Variants in ADRA1A observed in about 807,000 individuals in gnomAD.
ADRA1A encodes alpha-1A adrenergic receptor.
A neutral mutation model predicts 29.6 loss-of-function variants in ADRA1A; 31 were observed. The observed-to-expected ratio is 1.05, with a 90% CI of 0.79 to 1.41. The LOEUF is 1.41. Ranked by LOEUF, ADRA1A falls within the 40% of genes most tolerant of loss-of-function variation. The probability of loss-of-function intolerance (pLI) is 0.00; values close to 1 mark genes in which losing one functional copy is unlikely to be tolerated. For missense variants in ADRA1A, 619 were observed against 601.1 expected (o/e 1.03, Z -0.31); for synonymous variants, 311 against 254.3 (o/e 1.22, Z -2.12).
chr8:26,779,965 C>T (rs891583333), intron 2 of ADRA1A, among the ~76,000 whole-genome samples: 1 of 152,036 alleles, frequency 6.6e-6, no homozygotes, highest in Non-Finnish European at 1.5e-5. Context: ...GGGGAAAATT[C>T]CCAGAAATAA....
intron 2 of ADRA1A, among the ~76,000 whole-genome samples, chr8:26,852,380 T>TTTTTTATTTACATTAATGTA (rs1812702156): frequency 6.6e-6 from 1 of 151,922 alleles, no homozygotes; most frequent in African/African-American, 2.4e-5. Flanking sequence ...GAGAGAAATC[T>TTTTTTATTTACATTAATGTA]CTAGAGATTA....
In ADRA1A at chr8:26,831,632, T is replaced by C. The variant is rs1052826298; in HGVS notation, c.883+32455A>G. On this transcript the variant is annotated intron_variant, in intron 2 of 2. Coordinates refer to ENST00000380573, the MANE Select transcript of ADRA1A (RefSeq NM_000680.4). The surrounding 1 kb of genome is among the most constrained non-coding windows in gnomAD (Gnocchi z 5.2). ...TTTCCTAAATTTGAGAATAGTCACT[T>C]CAATCTTTCTTCTTTCCAGCCTGGG... Among the ~76,000 whole-genome samples, 1 of 152,248 alleles carries C rather than the reference T, an allele frequency of 6.6e-6. No individual in the cohort carries two copies. The highest frequency in any genetic ancestry group is 2.4e-5 in the African/African-American group (1 of 41,470).
intron 2 of ADRA1A, among the ~76,000 whole-genome samples, chr8:26,791,514 G>A (rs1040352150): frequency 2.6e-5 from 4 of 152,168 alleles, no homozygotes; most frequent in African/African-American, 9.7e-5. Context: ...AGCTTCACAT[G>A]CAGCAGCTGA....
chr8:26,865,025 C>A lies in ADRA1A; in HGVS notation c.-56G>T, dbSNP rs549747085. The A allele has an allele frequency of 2.3e-4, 353 of 1,523,230 alleles. 3 individuals carry two copies. The South Asian group carries it at 4.1e-3, about 18-fold the overall frequency. The allele number at this position is 1,523,230 out of a possible 1,614,324, so 94.4% of individuals were successfully genotyped here. On this transcript the variant is annotated 5_prime_UTR_variant, in exon 2 of 3. Coordinates refer to ENST00000380573, the MANE Select transcript of ADRA1A (RefSeq NM_000680.4). The surrounding 1 kb of genome is among the most constrained non-coding windows in gnomAD (Gnocchi z 7.6). ...TGTCCAGGGCCACCTCCCGGGCTGG[C>A]GCGGAGGCGGGAGCGCGGGAGCCGG...
At chr8:26,852,937 A>C (rs1812742560) in intron 2 of ADRA1A, among the ~76,000 whole-genome samples, 1 of 152,208 alleles carries the variant, frequency 6.6e-6, no homozygotes, top group Admixed American at 6.5e-5. Context: ...GTGATACAGC[A>C]ACATGAATAA....
intron 2 of ADRA1A, chr8:26,836,097 C>A: frequency 5.5e-6 from 1 of 180,386 alleles, no homozygotes; most frequent in South Asian, 1.4e-4. Flanking sequence ...GACATCACAC[C>A]CTTCAGCGGT....
In ADRA1A at chr8:26,806,985, G is replaced by C. The variant is rs937158104; in HGVS notation, c.884-36319C>G. On this transcript the variant is annotated intron_variant, in intron 2 of 2. Coordinates refer to ENST00000380573, the MANE Select transcript of ADRA1A (RefSeq NM_000680.4). The surrounding 1 kb of genome is among the most constrained non-coding windows in gnomAD (Gnocchi z 4.6). ...GTTAATAATGTCAAACTTATGTCGG[G>C]GGTAAAGTGCTATAAAAATAAACAT... Among the ~76,000 whole-genome samples the C allele has an allele frequency of 6.6e-6, 1 of 152,186 alleles. No individual in the cohort carries two copies. Among genetic ancestry groups the C allele is most frequent in the African/African-American group, 2.4e-5 (1 of 41,448 alleles).
chr8:26,797,939 C>A (rs189224768), intron 2 of ADRA1A, among the ~76,000 whole-genome samples: 1 of 151,988 alleles, frequency 6.6e-6, no homozygotes, highest in Non-Finnish European at 1.5e-5. Context: ...AGGTGGAGGT[C>A]TGTTTGATTC....
At chr8:26,863,574 C>T (rs61757006) in intron 2 of ADRA1A, among the ~76,000 whole-genome samples, 1 of 152,052 alleles carries the variant, frequency 6.6e-6, no homozygotes, top group Non-Finnish European at 1.5e-5. Flanking sequence ...AAAATTAGCA[C>T]AGATATAGAA....
rs1808996476 is a variant in ADRA1A at position 26,806,545 on chromosome 8, A to G, written c.884-35879T>C. Among the ~76,000 whole-genome samples, 1 of 152,294 alleles carries G rather than the reference A, an allele frequency of 6.6e-6. No homozygotes were observed. Among genetic ancestry groups the G allele is most frequent in the South Asian group, 2.1e-4 (1 of 4,826 alleles). Reference sequence around the variant, plus strand: ...CTCTCCAGATGGTGTGGGAATCCAGATAGCAACTCATCACTAAGGAGGGCC... The same window carrying G: ...CTCTCCAGATGGTGTGGGAATCCAGGTAGCAACTCATCACTAAGGAGGGCC... On this transcript the variant is annotated intron_variant, in intron 2 of 2. Transcript: ENST00000380573. The surrounding 1 kb of genome is among the most constrained non-coding windows in gnomAD (Gnocchi z 4.6).
chr8:26,820,745 T>G (rs556894113), intron 2 of ADRA1A, among the ~76,000 whole-genome samples: 1 of 152,354 alleles, frequency 6.6e-6, no homozygotes, highest in East Asian at 1.9e-4. Context: ...AAAATGCAGC[T>G]TCTATAGGTA....
At position 26,820,884 on chromosome 8, in the gene ADRA1A, T is replaced by TTTG. The variant is rs10593968; in HGVS notation, c.883+43200_883+43202dup. Among the ~76,000 whole-genome samples, 374 of 151,098 alleles carry TTTG rather than the reference T, an allele frequency of 2.5e-3. 1 individual carries two copies. Among genetic ancestry groups the TTTG allele is most frequent in the Admixed American group, 3.8e-3 (57 of 15,196 alleles). ...ACCTTTACCATATGCATTAGGCCATTTTGTTGTTGTTGTTGTTGTTGTTGA... is the reference window on the plus strand; with the variant it reads ...ACCTTTACCATATGCATTAGGCCATTTTGTTGTTGTTGTTGTTGTTGTTGTTGA... On this transcript the variant is annotated intron_variant, in intron 2 of 2. Transcript: ENST00000380573.
At position 26,825,764 on chromosome 8, in the gene ADRA1A, G is replaced by GTCTCCC. The variant is rs1196047241; in HGVS notation, c.883+38317_883+38322dup. On this transcript the variant is annotated intron_variant, in intron 2 of 2. Coordinates refer to ENST00000380573, the MANE Select transcript of ADRA1A (RefSeq NM_000680.4). The surrounding 1 kb of genome is among the most constrained non-coding windows in gnomAD (Gnocchi z 5.7). Reference sequence around the variant, plus strand: ...CTGATTTAACAATCCTTAAGGAACAGTCTCCCTTGTATCCTGCGGGCATTC... The same window carrying GTCTCCC: ...CTGATTTAACAATCCTTAAGGAACAGTCTCCCTCTCCCTTGTATCCTGCGGGCATTC... 6.6e-6 allele frequency among the ~76,000 whole-genome samples: 1 copy of GTCTCCC among 152,196 alleles called. No homozygotes were observed. The highest frequency in any genetic ancestry group is 2.4e-5 in the African/African-American group (1 of 41,456).
intron 2 of ADRA1A, among the ~76,000 whole-genome samples, chr8:26,807,790 A>G (rs748361466): frequency 4.0e-4 from 61 of 152,144 alleles, no homozygotes; most frequent in Non-Finnish European, 7.5e-4. Flanking sequence ...ATTGAGGAGT[A>G]CTGAGCAAGA....
intron 2 of ADRA1A, among the ~76,000 whole-genome samples, chr8:26,837,432 C>G (rs1811461719): frequency 6.6e-6 from 1 of 152,110 alleles, no homozygotes; most frequent in Non-Finnish European, 1.5e-5. Context: ...GGGCAGATCA[C>G]TTGAGGCCAG....
chr8:26,853,323 A>G (rs2130753200), intron 2 of ADRA1A, among the ~76,000 whole-genome samples: 1 of 152,316 alleles, frequency 6.6e-6, no homozygotes. Flanking sequence ...TGTGCTTAAA[A>G]CTAAAGTCTA....
rs533410981 is a variant in ADRA1A at position 26,839,799 on chromosome 8, G to A, written c.883+24288C>T. Among the ~76,000 whole-genome samples, 4 of 152,218 alleles carry A rather than the reference G, an allele frequency of 2.6e-5. No homozygotes were observed. The East Asian group carries it at 7.8e-4, about 29-fold the overall frequency. ...TAGGAGCAGGTCTTGGGGTGGGATG[G>A]TGGGAAGGGTGTGTGGGGAGGAAAG... On this transcript the variant is annotated intron_variant, in intron 2 of 2. Transcript: ENST00000380573.
intron 2 of ADRA1A, among the ~76,000 whole-genome samples, chr8:26,838,520 C>T (rs540534720): frequency 5.9e-5 from 9 of 152,158 alleles, no homozygotes; most frequent in African/African-American, 2.2e-4. Context: ...GTGCTTAGGC[C>T]CTGAGGATTC....
Position 26,831,498 on chromosome 8 carries a change from T to G in ADRA1A, c.883+32589A>C, listed in dbSNP as rs550200820. 4.6e-5 allele frequency among the ~76,000 whole-genome samples: 7 copies of G among 152,252 alleles called. No homozygotes were observed. Among genetic ancestry groups the G allele is most frequent in the Admixed American group, 4.6e-4 (7 of 15,298 alleles). On this transcript the variant is annotated intron_variant, in intron 2 of 2. Coordinates refer to ENST00000380573, the MANE Select transcript of ADRA1A (RefSeq NM_000680.4). This position sits in a 1 kb window ranked among gnomAD's most constrained non-coding sequence, Gnocchi z 5.2. ...CAACCCCCTGCCCACACCCCACCAC[T>G]GATCATGGCCAGTTTGGAAAGGGTG...
Sources: gnomAD v4.1 joint callset for allele counts (sites outside exome capture counted in the v4.1 genomes callset) on GRCh38, gnomAD v4.1.1 for gene constraint, Gnocchi (gnomAD v3.1) non-coding constraint, MANE v1.5 for transcripts, NCBI Gene and HGNC (gene_info 2026-07-23, HGNC 2026-07-21) for gene names.